Variants in ABCA4 observed in about 807,000 individuals in gnomAD.
ABCA4 encodes the protein retinal-specific phospholipid-transporting ATPase ABCA4.
In ABCA4, 196 loss-of-function variants were observed where a neutral mutation model predicts 263.7. The ratio of observed to expected loss-of-function variants is 0.74; its 90% CI spans 0.66 to 0.84. The LOEUF (loss-of-function observed/expected upper bound fraction) is 0.84. ABCA4 is among the 40% of genes least tolerant of loss of function. The pLI, the probability that ABCA4 is intolerant of heterozygous loss-of-function variation, is 0.00. For missense variants in ABCA4, 2,792 were observed against 2,855.1 expected (o/e 0.98, Z 0.50); for synonymous variants, 1,133 against 1,094.2 (o/e 1.04, Z -0.70).
Position 94,037,303 on chromosome 1 carries a change from C to G in ABCA4, c.3655G>C (p.Ala1219Pro), listed in dbSNP as rs766740575. The part of the protein sequence containing the change: ...MDVVLHHVPE[A>P]KLVECIGQEL... The stretch of plus-strand genomic sequence containing the variant: ...TGACCAATGCACTCCACCAGCTTTG[C>G]CTCTGGAACATGGTGGAGAACTACA... The change falls in exon 25 of 50, where the codon GCA becomes CCA. Residue 1219 changes from alanine (A) to proline (P), a missense_variant. Coordinates refer to ENST00000370225, the MANE Select transcript of ABCA4 (RefSeq NM_000350.3). 1.2e-6 allele frequency: 2 copies of G among 1,614,214 alleles called. No individual in the cohort carries two copies. Among genetic ancestry groups the G allele is most frequent in the East Asian group, 4.5e-5 (2 of 44,886 alleles).
intron 38 of ABCA4, 86 bp from the exon 39 acceptor site, chr1:94,011,471 G>T: frequency 6.3e-7 from 1 of 1,599,702 alleles, no homozygotes. Flanking sequence ...GCTCTCACAG[G>T]ACAGCACAGG....
intron 22 of ABCA4, among the ~76,000 whole-genome samples, chr1:94,042,098 CAAAAAAAAA>C (rs11334956): frequency 1.2e-4 from 10 of 81,272 alleles, no homozygotes; most frequent in Non-Finnish European, 2.1e-4. Flanking sequence ...GATTCTGTCT[CAAAAAAAAA>C]AAAAAAAAAA....
Position 94,098,829 on chromosome 1 carries a change from A to G in ABCA4, c.733T>C (p.Tyr245His), listed in dbSNP as rs201136017. Reference sequence around the variant, plus strand: ...AGCTTGAAGAAGTCCACGTTGGCATACAGAGTGTCTTCTATCCACTGTAGG... The same window carrying G: ...AGCTTGAAGAAGTCCACGTTGGCATGCAGAGTGTCTTCTATCCACTGTAGG... ...GTLQWIEDTL[Y>H]ANVDFFKLFR... The change falls in exon 6 of 50, where the codon TAT (tyrosine) becomes CAT (histidine). Residue 245 changes from tyrosine to histidine, a missense_variant. By Grantham distance (83) the Tyr-to-His change is moderately conservative. Transcript: ENST00000370225. 1.1e-5 allele frequency: 17 copies of G among 1,614,074 alleles called. No homozygotes were observed. The highest frequency in any genetic ancestry group is 1.4e-5 in the Non-Finnish European group (17 of 1,180,036).
intron 6 of ABCA4, among the ~76,000 whole-genome samples, chr1:94,097,008 C>T (rs767381977): frequency 6.6e-6 from 1 of 152,238 alleles, no homozygotes; most frequent in Non-Finnish European, 1.5e-5. Flanking sequence ...TGCTGGTATT[C>T]AGCTGCCTGG....
intron 19 of ABCA4, 65 bp from the exon 20 acceptor site, chr1:94,044,809 C>A: frequency 6.2e-7 from 1 of 1,610,774 alleles, no homozygotes; most frequent in Admixed American, 1.7e-5. Flanking sequence ...GGAGGGCCAC[C>A]CCCACACCAG....
At chr1:94,025,336 C>G (rs956087434) in intron 30 of ABCA4, among the ~76,000 whole-genome samples, 1 of 152,192 alleles carries the variant, frequency 6.6e-6, no homozygotes, top group Non-Finnish European at 1.5e-5. Context: ...CCCAAGCCAC[C>G]ACCTAGACCA....
rs118176080 is a variant in ABCA4 at position 94,038,141 on chromosome 1, G to T, written c.3608-791C>A. 9.8e-4 allele frequency among the ~76,000 whole-genome samples: 148 copies of T among 151,770 alleles called. 3 individuals carry two copies. The East Asian group carries it at 0.024, about 24-fold the overall frequency. ...CAGGTCACAGGAAATGCAGAGGGGGGGTTGAGAAGCCATGGAGAGAGGCTG... is the reference window on the plus strand; with the variant it reads ...CAGGTCACAGGAAATGCAGAGGGGGTGTTGAGAAGCCATGGAGAGAGGCTG... On this transcript the variant is annotated intron_variant, in intron 24 of 49. Transcript: ENST00000370225.
chr1:94,043,882 T>TA (rs1302643210), intron 20 of ABCA4, among the ~76,000 whole-genome samples: 1 of 152,226 alleles, frequency 6.6e-6, no homozygotes, highest in East Asian at 1.9e-4. Flanking sequence ...GAGAAAGTTC[T>TA]AAAAAATTAT....
At chr1:94,099,052 A>T in intron 5 of ABCA4, 61 bp from the exon 6 acceptor site, 1 of 1,522,064 alleles carries the variant, frequency 6.6e-7, no homozygotes, top group Non-Finnish European at 8.9e-7. Flanking sequence ...CCCACGTCCT[A>T]ACCCACAGAA....
chr1:94,109,246 C>T (rs1488233127), intron 3 of ABCA4, among the ~76,000 whole-genome samples: 1 of 152,212 alleles, frequency 6.6e-6, no homozygotes, highest in African/African-American at 2.4e-5. Flanking sequence ...GGTCTGCTCG[C>T]CTCTCGGTCC....
intron 12 of ABCA4, 21 bp downstream of exon 12, chr1:94,063,091 G>A (rs564612656): frequency 3.5e-5 from 56 of 1,601,170 alleles, no homozygotes; most frequent in East Asian, 3.3e-4. Flanking sequence ...GAAATGCAGC[G>A]AGCCCTTCCT....
Position 94,021,340 on chromosome 1 carries a change from G to C in ABCA4, c.4918C>G (p.Arg1640Gly), listed in dbSNP as rs61751404. 6.2e-7 allele frequency: 1 copy of C among 1,614,216 alleles called. No individual in the cohort carries two copies. The highest frequency in any genetic ancestry group is 8.5e-7 in the Non-Finnish European group (1 of 1,180,040). Residue 1640 changes from arginine (R) to glycine (G), a missense_variant, in exon 35 of 50, where the codon CGG becomes GGG. Coordinates refer to ENST00000370225, the MANE Select transcript of ABCA4 (RefSeq NM_000350.3). ...CTCCTGTCCTTAGGCAGGCTGGCCC[G>C]TAAGATGGCGTTGTGGGCCACATTG... The part of the protein sequence containing the change: ...FLNVAHNAIL[R>G]ASLPKDRSPE...
In ABCA4 at chr1:94,108,603, A is replaced by G; in HGVS notation, c.416T>C (p.Leu139Pro). ...TGCAATTCTCTCCGGGTGAGTCCGGAGGGTGTCCATGAATTGGGACAAGAT... is the reference window on the plus strand; with the variant it reads ...TGCAATTCTCTCCGGGTGAGTCCGGGGGGTGTCCATGAATTGGGACAAGAT... ...LHILSQFMDTLRTHPERIAGR... is the reference protein window; with the variant it reads ...LHILSQFMDTPRTHPERIAGR... Residue 139 changes from leucine (L) to proline (P), a missense_variant, in exon 4 of 50, where the codon CTC becomes CCC. Leu to Pro is a moderately conservative substitution (Grantham distance 98). Coordinates refer to ENST00000370225, the MANE Select transcript of ABCA4 (RefSeq NM_000350.3). The G allele has an allele frequency of 6.2e-7, 1 of 1,613,708 alleles. No individual in the cohort carries two copies. Among genetic ancestry groups the G allele is most frequent in the Non-Finnish European group, 8.5e-7 (1 of 1,179,994 alleles).
intron 11 of ABCA4, among the ~76,000 whole-genome samples, chr1:94,075,430 G>C (rs950169078): frequency 1.3e-5 from 2 of 152,164 alleles, no homozygotes; most frequent in African/African-American, 4.8e-5. Flanking sequence ...CTTAGTAGTT[G>C]CCTGCAGTTT....
chr1:94,001,180 C>T, intron 45 of ABCA4, 75 bp from the exon 46 acceptor site: 2 of 1,271,712 alleles, frequency 1.6e-6, no homozygotes, highest in South Asian at 1.2e-5. Context: ...CCTGGGCTGG[C>T]TCCCCTGTGG....
rs199509035 is a variant in ABCA4, at chr1:94,111,626, A to C, written c.161-47T>G. ...CAAGACGGGATTAGTCATGGAGACC[A>C]AGCAGGATGCAGACCTAGGAGTTGG... On this transcript the variant is annotated intron_variant, in intron 2 of 49. Coordinates refer to ENST00000370225, the MANE Select transcript of ABCA4 (RefSeq NM_000350.3). 2.5e-6 allele frequency: 4 copies of C among 1,611,402 alleles called. No homozygotes were observed. In the South Asian group the frequency reaches 4.4e-5, roughly 18 times the overall value.
chr1:94,000,726 T>C, intron 47 of ABCA4, 110 bp downstream of exon 47: 3 of 1,185,192 alleles, frequency 2.5e-6, no homozygotes, highest in Non-Finnish European at 3.8e-6. Flanking sequence ...CACCTGCCTC[T>C]GCCCCAGGGG....
intron 47 of ABCA4, among the ~76,000 whole-genome samples, chr1:93,999,602 C>T (rs967174896): frequency 2.6e-5 from 4 of 152,274 alleles, no homozygotes; most frequent in Admixed American, 6.5e-5. Context: ...AGTGTGTGCA[C>T]GGCTAGCGGG....
intron 36 of ABCA4, among the ~76,000 whole-genome samples, chr1:94,018,761 A>T (rs1659811619): frequency 1.3e-5 from 2 of 152,102 alleles, no homozygotes; most frequent in Admixed American, 6.5e-5. Flanking sequence ...CTAGGCCTTT[A>T]CTACCAATTC....
Sources: allele counts gnomAD v4.1 joint callset (sites outside exome capture counted in the v4.1 genomes callset), GRCh38; gene constraint gnomAD v4.1.1; transcripts MANE v1.5; gene names NCBI Gene and HGNC (gene_info 2026-07-23, HGNC 2026-07-21).